The following PKP2 variants were observed in gnomAD, a reference collection of about 807,000 sequenced individuals.
PKP2 encodes the protein plakophilin 2.
A neutral mutation model predicts 83.4 loss-of-function variants in PKP2; 73 were observed. The observed-to-expected ratio is 0.88, with a 90% CI of 0.72 to 1.06. The LOEUF (loss-of-function observed/expected upper bound fraction) is 1.06, where lower values mean the gene tolerates loss of function less well. Among genes scored for constraint, PKP2 ranks in the 50% least tolerant of loss-of-function variants. The pLI, the probability that PKP2 is intolerant of heterozygous loss-of-function variation, is 0.00. For missense variants in PKP2, 966 were observed against 1,065.4 expected (o/e 0.91, Z 1.30); for synonymous variants, 409 against 430.4 (o/e 0.95, Z 0.62).
intron 4 of PKP2, among the ~76,000 whole-genome samples, chr12:32,864,262 ACTT>A (rs1472371438): frequency 6.6e-6 from 1 of 151,130 alleles, no homozygotes; most frequent in Non-Finnish European, 1.5e-5. Context: ...CACGCTCACC[ACTT>A]CTTTTCAAGA....
In PKP2 at chr12:32,878,065, C is replaced by T. The variant is rs1308999500; in HGVS notation, c.815G>A (p.Arg272Lys). The change falls in exon 3 of 13, where the codon AGG (arginine) becomes AAG (lysine). Residue 272 changes from arginine (R) to lysine (K), a missense_variant. Physicochemically the swap from Arg to Lys is conservative, Grantham distance 26 (BLOSUM62 2). Coordinates refer to ENST00000340811, the MANE Select transcript of PKP2 (RefSeq NM_001005242.3). ...GACGGGCTGCAGGGGCACCAGCGGC[C>T]TGACCTGCCCGACAGTGAGCCCTGC... ...LTAGLTVGQV[R>K]PLVPLQPVTQ... The T allele has an allele frequency of 6.2e-7, 1 of 1,614,050 alleles. No individual in the cohort carries two copies. The highest frequency in any genetic ancestry group is 8.5e-7 in the Non-Finnish European group (1 of 1,180,044).
At chr12:32,850,498 G>A (rs1001670495) in intron 5 of PKP2, among the ~76,000 whole-genome samples, 2 of 151,964 alleles carry the variant, frequency 1.3e-5, no homozygotes, top group East Asian at 1.9e-4. Flanking sequence ...CCCTGGAGGC[G>A]GAGGTTGCAG....
chr12:32,793,124 C>T (rs900016087), intron 11 of PKP2, among the ~76,000 whole-genome samples: 3 of 151,908 alleles, frequency 2.0e-5, no homozygotes, highest in Non-Finnish European at 4.4e-5. Context: ...GCCTGTAATC[C>T]CAGCTACTCG....
In PKP2 at chr12:32,792,217, T is replaced by A; in HGVS notation, c.*207A>T. The A allele has an allele frequency of 1.6e-6, 1 of 607,502 alleles. No individual in the cohort carries two copies. Among genetic ancestry groups the A allele is most frequent in the Non-Finnish European group, 3.0e-6 (1 of 338,654 alleles). 37.6% of individuals were successfully genotyped at this position (607,502 alleles called of 1,614,324 possible). On this transcript the variant is annotated 3_prime_UTR_variant, in exon 13 of 13. Coordinates refer to ENST00000340811, the MANE Select transcript of PKP2 (RefSeq NM_001005242.3). ...CAAAGACCACTATTTGTCGAGCCTG[T>A]GGCCGGTATCTACTGGTGGCAAACT...
chr12:32,865,683 A>AAAAAAAAAAAAAAAAAAAC (rs1956842142), intron 4 of PKP2, among the ~76,000 whole-genome samples: 2 of 150,106 alleles, frequency 1.3e-5, no homozygotes, highest in African/African-American at 4.9e-5. Context: ...CTCCGTCTCA[A>AAAAAAAAAAAAAAAAAAAC]AAAAAAAAAG....
chr12:32,846,745 C>CAAAAAA (rs574053559), intron 5 of PKP2, among the ~76,000 whole-genome samples: 26 of 74,868 alleles, frequency 3.5e-4, no homozygotes, highest in South Asian at 8.6e-4. Flanking sequence ...AACTTCTTCT[C>CAAAAAA]AAAAAAAAAA....
intron 4 of PKP2, among the ~76,000 whole-genome samples, chr12:32,859,018 C>T (rs1422410673): frequency 2.0e-5 from 3 of 152,170 alleles, no homozygotes; most frequent in Admixed American, 2.0e-4. Flanking sequence ...GTAGGTTACT[C>T]TATTTGAGCC....
At chr12:32,884,831 T>C (rs1376101541) in intron 1 of PKP2, among the ~76,000 whole-genome samples, 1 of 152,024 alleles carries the variant, frequency 6.6e-6, no homozygotes, top group Non-Finnish European at 1.5e-5. Flanking sequence ...AATTGGACTT[T>C]TTCTGGTGAC....
intron 11 of PKP2, among the ~76,000 whole-genome samples, chr12:32,793,851 TCTC>T (rs1371117225): frequency 6.6e-6 from 1 of 152,084 alleles, no homozygotes; most frequent in Non-Finnish European, 1.5e-5. Flanking sequence ...TGCCTCGGCC[TCTC>T]ATAGTGCTGG....
In PKP2 at chr12:32,855,375, GCA is replaced by G. The variant is rs576227842; in HGVS notation, c.1171-4404_1171-4403del. ...TGTAAGATGAGCAGTTACATGTCAG[GCA>G]CACAGTAGTTACTCAACACAAGGTA... is the stretch of plus-strand genomic sequence containing the variant. On this transcript the variant is annotated intron_variant, in intron 4 of 12. Transcript: ENST00000340811. Among the ~76,000 whole-genome samples, 554 of 152,202 alleles carry G rather than the reference GCA, an allele frequency of 3.6e-3. 1 individual carries two copies. Among genetic ancestry groups the G allele is most frequent in the Non-Finnish European group, 4.3e-3 (292 of 68,016 alleles).
intron 4 of PKP2, among the ~76,000 whole-genome samples, chr12:32,864,973 T>C (rs1388857687): frequency 6.6e-5 from 10 of 152,216 alleles, no homozygotes. Context: ...TTATTTGCAC[T>C]AGGACGTAAG....
intron 6 of PKP2, among the ~76,000 whole-genome samples, chr12:32,829,710 G>A (rs1956480571): frequency 6.6e-6 from 1 of 151,794 alleles, no homozygotes; most frequent in African/African-American, 2.4e-5. Flanking sequence ...GCCCAGGCTG[G>A]AGTGCAGTGG....
chr12:32,821,745 CT>C, intron 8 of PKP2: 2 of 531,860 alleles, frequency 3.8e-6, no homozygotes, highest in Non-Finnish European at 6.7e-6. Flanking sequence ...CTCCACACCC[CT>C]AACTTGATAT....
chr12:32,808,273 T>C (rs571793121), intron 9 of PKP2, among the ~76,000 whole-genome samples: 9 of 152,304 alleles, frequency 5.9e-5, no homozygotes, highest in African/African-American at 2.2e-4. Flanking sequence ...TTCAGAAAGA[T>C]AGTCTTCAAG....
chr12:32,824,697 T>C (rs1956419110), intron 6 of PKP2, among the ~76,000 whole-genome samples: 1 of 152,240 alleles, frequency 6.6e-6, no homozygotes, highest in African/African-American at 2.4e-5. Flanking sequence ...GCGATTATTT[T>C]ATCATTAAAA....
intron 1 of PKP2, among the ~76,000 whole-genome samples, chr12:32,880,445 C>T (rs1956975242): frequency 6.6e-6 from 1 of 152,094 alleles, no homozygotes; most frequent in African/African-American, 2.4e-5. Context: ...GGTAGATCAG[C>T]ATGATCAAGG....
At chr12:32,810,033 T>C (rs1337484031) in intron 9 of PKP2, among the ~76,000 whole-genome samples, 1 of 152,202 alleles carries the variant, frequency 6.6e-6, no homozygotes, top group African/African-American at 2.4e-5. Flanking sequence ...ATCTCAACAA[T>C]AGCTCTTATT....
At chr12:32,887,792 TTAGAATA>T (rs1957043138) in intron 1 of PKP2, among the ~76,000 whole-genome samples, 1 of 152,224 alleles carries the variant, frequency 6.6e-6, no homozygotes, top group African/African-American at 2.4e-5. Flanking sequence ...GTTTGAGGTA[TTAGAATA>T]TGTAATTGTA....
intron 6 of PKP2, among the ~76,000 whole-genome samples, chr12:32,833,691 C>T (rs913050375): frequency 2.9e-4 from 44 of 152,084 alleles, no homozygotes; most frequent in Middle Eastern, 6.8e-3. Flanking sequence ...ATTTACTATA[C>T]GATGACAGGT....
Sources: allele counts gnomAD v4.1 joint callset (sites outside exome capture counted in the v4.1 genomes callset), GRCh38; gene constraint gnomAD v4.1.1; transcripts MANE v1.5; gene names NCBI Gene and HGNC (gene_info 2026-07-23, HGNC 2026-07-21).